The following RLN2 variants were observed in gnomAD, a reference collection of about 807,000 sequenced individuals.
RLN2 encodes the protein prorelaxin H2.
Under a neutral mutation model 7.3 loss-of-function variants are expected in RLN2, and 10 were observed. The ratio of observed to expected loss-of-function variants is 1.36; its 90% CI spans 0.84 to 2.31. The LOEUF (loss-of-function observed/expected upper bound fraction) is 2.31, where lower values mean the gene tolerates loss of function less well. RLN2 is among the 30% of genes most tolerant of loss of function. The probability of loss-of-function intolerance (pLI) is 0.00; values close to 1 mark genes in which losing one functional copy is unlikely to be tolerated. For synonymous variants in RLN2, 103 were observed against 82.3 expected, an observed-to-expected ratio of 1.25 and a Z score of -1.36; for missense variants, 298 against 217.6, an observed-to-expected ratio of 1.37 and a Z score of -2.32.
At chr9:5,314,993 G>C in the RLN2 span, among the ~76,000 whole-genome samples, 5 of 151,876 alleles carry the variant, frequency 3.3e-5, no homozygotes, top group Non-Finnish European at 7.4e-5. Flanking sequence ...CCCTACTAAA[G>C]GCACTCTCTA....
the RLN2 span, among the ~76,000 whole-genome samples, chr9:5,329,306 T>G: frequency 1.3e-5 from 1 of 76,496 alleles, no homozygotes. Flanking sequence ...CGAGACTCCA[T>G]CTCAAAAAAA....
chr9:5,323,561 G>T, the RLN2 span, among the ~76,000 whole-genome samples: 4 of 151,868 alleles, frequency 2.6e-5, no homozygotes, highest in East Asian at 5.8e-4. Flanking sequence ...GCAACTGACT[G>T]TTCTTGAATA....
the RLN2 span, among the ~76,000 whole-genome samples, chr9:5,310,811 G>A: frequency 4.6e-4 from 70 of 152,090 alleles, no homozygotes; most frequent in Non-Finnish European, 5.7e-4. Flanking sequence ...CACTTAAACA[G>A]AAACATACAC....
At chr9:5,306,092 CTTTG>C (rs1486978998), upstream of RLN2, among the ~76,000 whole-genome samples, 4 of 126,126 alleles carry the variant, frequency 3.2e-5, no homozygotes, top group Admixed American at 7.6e-5. Flanking sequence ...CCAGGGATTT[CTTTG>C]TTTTTGTTTT....
At chr9:5,328,263 A>G in the RLN2 span, among the ~76,000 whole-genome samples, 18 of 152,208 alleles carry the variant, frequency 1.2e-4, no homozygotes. Context: ...TTCGTGACGC[A>G]TGCACAAGCT....
chr9:5,303,956 C>A, intron 1 of RLN2: 1 of 166,622 alleles, frequency 6.0e-6, no homozygotes, highest in Non-Finnish European at 1.1e-5. Context: ...TCAGGTGCCC[C>A]CACCAGCACG....
chr9:5,328,702 C>G, the RLN2 span, among the ~76,000 whole-genome samples: 1 of 152,076 alleles, frequency 6.6e-6, no homozygotes, highest in Admixed American at 6.6e-5. Flanking sequence ...ATCAGACTAA[C>G]AGCGGATCTC....
At chr9:5,312,599 C>T in the RLN2 span, among the ~76,000 whole-genome samples, 3 of 151,652 alleles carry the variant, frequency 2.0e-5, no homozygotes, top group South Asian at 2.1e-4. Flanking sequence ...TTTGGTAGTC[C>T]GTTGAAGAAG....
the RLN2 span, among the ~76,000 whole-genome samples, chr9:5,310,341 C>G: frequency 6.6e-6 from 1 of 151,936 alleles, no homozygotes; most frequent in Non-Finnish European, 1.5e-5. Context: ...GTGTGTAGGA[C>G]TTTTTGTTTT....
the RLN2 span, among the ~76,000 whole-genome samples, chr9:5,313,678 A>G: frequency 6.8e-6 from 1 of 146,520 alleles, no homozygotes; most frequent in Non-Finnish European, 1.5e-5. Context: ...TATATTTGTC[A>G]TTTATTTTTG....
chr9:5,317,491 G>C, the RLN2 span, among the ~76,000 whole-genome samples: 1 of 149,458 alleles, frequency 6.7e-6, no homozygotes, highest in Non-Finnish European at 1.5e-5. Context: ...AGAACGAAGA[G>C]CTCTGAGGGA....
At chr9:5,311,747 C>T in the RLN2 span, 6 of 968,684 alleles carry the variant, frequency 6.2e-6, 1 homozygote, top group Non-Finnish European at 9.9e-6. Context: ...CTGTATACTT[C>T]TGGTGACTGT....
At chr9:5,314,044 C>G in the RLN2 span, among the ~76,000 whole-genome samples, 4 of 151,998 alleles carry the variant, frequency 2.6e-5, no homozygotes, top group South Asian at 2.1e-4. Context: ...GTCCTCACCT[C>G]TGGTGACCCC....
At chr9:5,320,315 T>A in the RLN2 span, among the ~76,000 whole-genome samples, 2 of 151,682 alleles carry the variant, frequency 1.3e-5, no homozygotes, top group Non-Finnish European at 1.5e-5. Context: ...AACTTTACAA[T>A]TCTGAAAGAA....
the RLN2 span, among the ~76,000 whole-genome samples, chr9:5,312,600 G>A: frequency 9.7e-3 from 1,474 of 151,984 alleles, 39 homozygotes; most frequent in African/African-American, 0.034. Flanking sequence ...TTGGTAGTCC[G>A]TTGAAGAAGG....
At position 5,300,144 on chromosome 9, in the gene RLN2, C is replaced by T; in HGVS notation, c.512G>A (p.Cys171Tyr). 6.2e-7 allele frequency: 1 copy of T among 1,604,682 alleles called. No individual in the cohort carries two copies. Among genetic ancestry groups the T allele is most frequent in the East Asian group, 2.2e-5 (1 of 44,848 alleles). Residue 171 changes from cysteine to tyrosine, a missense_variant, in exon 2 of 2, where the codon TGT becomes TAT. Cys to Tyr is a radical substitution (Grantham distance 194). Transcript: ENST00000381627. The part of the protein sequence containing the change: ...RQLYSALANK[C>Y]CHVGCTKRSL... The stretch of plus-strand genomic sequence containing the variant: ...TCTTTTGGTACAACCAACATGGCAA[C>T]ATTTATTAGCCAATGCACTGTAGAG...
chr9:5,310,574 C>G, the RLN2 span, among the ~76,000 whole-genome samples: 1 of 151,960 alleles, frequency 6.6e-6, no homozygotes, highest in Non-Finnish European at 1.5e-5. Flanking sequence ...TAGCTTCAAT[C>G]GAACCTTTAA....
chr9:5,308,259 C>T (rs563236580), upstream of RLN2, among the ~76,000 whole-genome samples: 1 of 152,064 alleles, frequency 6.6e-6, no homozygotes, highest in African/African-American at 2.4e-5. Flanking sequence ...CAGCAAACTG[C>T]TGGAAATACC....
the RLN2 span, among the ~76,000 whole-genome samples, chr9:5,333,328 T>A: frequency 1.3e-5 from 2 of 151,838 alleles, 1 homozygote; most frequent in African/African-American, 4.8e-5. Context: ...ACAATCCAAA[T>A]GATAAGGGGG....
Sources: allele counts gnomAD v4.1 joint callset (sites outside exome capture counted in the v4.1 genomes callset), GRCh38; gene constraint gnomAD v4.1.1; transcripts MANE v1.5; gene names NCBI Gene and HGNC (gene_info 2026-07-23, HGNC 2026-07-21).